MFSD12: variants seen among roughly 807,000 people sequenced by gnomAD.
The protein encoded by MFSD12 is major facilitator superfamily domain-containing protein 12.
MFSD12 carries 67 observed loss-of-function variants against 51.2 expected under a neutral mutation model. The observed-to-expected ratio is 1.31, with a 90% confidence interval of 1.08 to 1.60. The LOEUF (loss-of-function observed/expected upper bound fraction) is 1.60, where lower values mean the gene tolerates loss of function less well. Among genes scored for constraint, MFSD12 ranks in the 40% most tolerant of loss-of-function variants. The probability of loss-of-function intolerance (pLI) is 0.00; values close to 1 mark genes in which losing one functional copy is unlikely to be tolerated. For synonymous variants in MFSD12, 441 were observed against 316.7 expected, an observed-to-expected ratio of 1.39 and a Z score of -4.17; for missense variants, 921 against 673.0, an observed-to-expected ratio of 1.37 and a Z score of -4.08.
At chr19:3,546,956 C>T (rs2031112401) in intron 6 of MFSD12, among the ~76,000 whole-genome samples, 1 of 152,160 alleles carries the variant, frequency 6.6e-6, no homozygotes, top group South Asian at 2.1e-4. Flanking sequence ...GCCTCAGCCT[C>T]CCGAATAGCT....
At chr19:3,542,838 C>T (rs761809570), downstream of MFSD12, 3 of 1,377,268 alleles carry the variant, frequency 2.2e-6, no homozygotes, top group Admixed American at 1.9e-5. Context: ...CAGACCACTT[C>T]TTCCTGGTGC....
intron 2 of MFSD12, among the ~76,000 whole-genome samples, chr19:3,549,841 T>C (rs1005693747): frequency 1.3e-5 from 2 of 149,394 alleles, no homozygotes; most frequent in African/African-American, 5.0e-5. Context: ...CTGGCCAACA[T>C]GGTACATGGT....
At chr19:3,543,802 A>T (rs967842703), downstream of MFSD12, 17 of 1,503,218 alleles carry the variant, frequency 1.1e-5, no homozygotes, top group African/African-American at 1.1e-4. Flanking sequence ...AGGTGGGGGC[A>T]CATGGTGACC....
rs375821237 is a variant in MFSD12 at position 3,546,143 on chromosome 19, G to C, written c.1220C>G (p.Ser407Cys). The C allele has an allele frequency of 2.5e-6, 4 of 1,613,278 alleles. No individual in the cohort carries two copies. The highest frequency in any genetic ancestry group is 1.1e-5 in the South Asian group (1 of 91,086). ...HTNSGAFVYG[S>C]MSFLDKVANG... ...GGCCACCTTATCCAAGAAGCTCATG[G>C]AGCCGTACACGAACGCTCCGCTGTT... is the stretch of plus-strand genomic sequence containing the variant. Residue 407 changes from serine (S) to cysteine (C), a missense_variant, in exon 8 of 10, where the codon TCC (serine) becomes TGC (cysteine). By Grantham distance (112) the Ser-to-Cys change is moderately radical. Coordinates refer to ENST00000355415, the MANE Select transcript of MFSD12 (RefSeq NM_174983.5).
chr19:3,550,548 C>T (rs1050341271), intron 2 of MFSD12, among the ~76,000 whole-genome samples: 29 of 152,004 alleles, frequency 1.9e-4, no homozygotes, highest in East Asian at 5.8e-4. Flanking sequence ...CCCACCACCG[C>T]GCCCGGCTAA....
chr19:3,542,480 CTT>C, downstream of MFSD12: 1 of 984,422 alleles, frequency 1.0e-6, no homozygotes, highest in South Asian at 4.7e-5. Context: ...AGTCTCTTGT[CTT>C]TTTGTTTTTG....
downstream of MFSD12, chr19:3,543,306 C>G (rs1345289011): frequency 1.3e-6 from 2 of 1,549,008 alleles, no homozygotes; most frequent in South Asian, 1.2e-5. Context: ...TGGAAGTACA[C>G]GCCCATGGGA....
rs1004177233 is a variant in MFSD12, at chr19:3,544,227, A to G, written c.*483T>C. 2 of 1,333,580 alleles carry G rather than the reference A, an allele frequency of 1.5e-6. No individual in the cohort carries two copies. Among genetic ancestry groups the G allele is most frequent in the Admixed American group, 3.5e-5 (1 of 28,190 alleles). The allele number at this position is 1,333,580 out of a possible 1,614,324, so 82.6% of individuals were successfully genotyped here. A position where few individuals can be genotyped will look rare whatever the true frequency, so the allele number is the denominator to read the frequency against. ...CGTCATCTCTTTATTTGCTGCCAGC[A>G]GAGTCCACCAAGCCTGCCGGGCAGC... On this transcript the variant is annotated 3_prime_UTR_variant, in exon 10 of 10. Transcript: ENST00000355415.
At chr19:3,545,957 G>A (rs144678335) in intron 8 of MFSD12, 117 bp downstream of exon 8, 3 of 1,013,012 alleles carry the variant, frequency 3.0e-6, no homozygotes, top group East Asian at 4.8e-5. Context: ...TCCCATTGGG[G>A]CAGGTGTCTT....
chr19:3,548,219 C>G lies in MFSD12; in HGVS notation c.558G>C (p.Trp186Cys). Residue 186 changes from tryptophan (W) to cysteine (C), a missense_variant, in exon 3 of 10, where the codon TGG becomes TGC. Physicochemically the swap from Trp to Cys is radical, Grantham distance 215 (BLOSUM62 -2). Transcript: ENST00000355415. Reference protein sequence around the residue: ...VANITVYGAAWLLLHLQGSSR... With the variant: ...VANITVYGAACLLLHLQGSSR... ...ACGAGCCCTGCAGGTGCAGCAGGAG[C>G]CAGGCGGCGCCGTAGACGGTGATGT... The G allele has an allele frequency of 6.4e-7, 1 of 1,556,096 alleles. No individual in the cohort carries two copies. The highest frequency in any genetic ancestry group is 8.7e-7 in the Non-Finnish European group (1 of 1,150,988).
Position 3,546,303 on chromosome 19 carries a change from G to C in MFSD12, c.1146C>G (p.Ile382Met), listed in dbSNP as rs1171576327. 2 of 1,609,958 alleles carry C rather than the reference G, an allele frequency of 1.2e-6. No homozygotes were observed. Among genetic ancestry groups the C allele is most frequent in the Non-Finnish European group, 1.7e-6 (2 of 1,178,992 alleles). ...CCGTCATGGCCAGCGAGGTGACGAG[G>C]ATGGTGGCACAGCCAGCACCCAGCA... ...AVLLGAGCAT[I>M]LVTSLAMTAD... The change falls in exon 7 of 10, where the codon ATC becomes ATG. Residue 382 changes from isoleucine to methionine, a missense_variant. Coordinates refer to ENST00000355415, the MANE Select transcript of MFSD12 (RefSeq NM_174983.5).
At chr19:3,538,439 C>A (rs934809417) in exon 5 of MFSD12, 34 of 319,848 alleles carry the variant, frequency 1.1e-4, no homozygotes, top group African/African-American at 7.4e-4. Flanking sequence ...CACCTAGTCA[C>A]CCCCAGGTCC....
intron 6 of MFSD12, among the ~76,000 whole-genome samples, chr19:3,546,688 C>A (rs983924455): frequency 3.3e-5 from 5 of 152,250 alleles, no homozygotes; most frequent in African/African-American, 1.2e-4. Context: ...AAGCAAACGA[C>A]GGACTCGGCT....
chr19:3,544,092 G>A (rs2030720235), downstream of MFSD12: 1 of 1,443,770 alleles, frequency 6.9e-7, no homozygotes, highest in South Asian at 1.5e-5. Flanking sequence ...CAGAGGCTCG[G>A]GACAGAGGCA....
rs1345514542 is a variant in MFSD12, at chr19:3,548,252, C to T, written c.525G>A (p.Val175=). ...ELTALRYAFT[V]VANITVYGAA... ...CGCCGTAGACGGTGATGTTGGCCACCACGGTGAACGCATACCTGGCGGGCA... is the reference window on the plus strand; with the variant it reads ...CGCCGTAGACGGTGATGTTGGCCACTACGGTGAACGCATACCTGGCGGGCA... The change falls in exon 3 of 10, where the codon GTG becomes GTA. Residue 175 remains valine (V), a synonymous_variant. Coordinates refer to ENST00000355415, the MANE Select transcript of MFSD12 (RefSeq NM_174983.5). 1.3e-6 allele frequency: 2 copies of T among 1,549,850 alleles called. No homozygotes were observed. The highest frequency in any genetic ancestry group is 1.7e-6 in the Non-Finnish European group (2 of 1,147,856).
chr19:3,539,263 GAGCCCCTCCCTACAGGTGAGCCCCTCCC>G (rs1288632813), downstream of MFSD12: 8 of 1,543,670 alleles, frequency 5.2e-6, no homozygotes, highest in East Asian at 4.9e-5. Context: ...CTGTACAGGT[GAGCCCCTCCCTACAGGTGAGCCCCTCCC>G]AGCCCCTCCC....
In MFSD12 at chr19:3,546,125, T is replaced by C; in HGVS notation, c.1238A>G (p.Lys413Arg). 1 of 1,613,364 alleles carries C rather than the reference T, an allele frequency of 6.2e-7. No homozygotes were observed. The highest frequency in any genetic ancestry group is 1.7e-5 in the Admixed American group (1 of 60,030). ...CATGACTGCCAGCCCATTGGCCACC[T>C]TATCCAAGAAGCTCATGGAGCCGTA... Reference protein sequence around the residue: ...FVYGSMSFLDKVANGLAVMAI... With the variant: ...FVYGSMSFLDRVANGLAVMAI... Residue 413 changes from lysine (K) to arginine (R), a missense_variant, in exon 8 of 10, where the codon AAG (lysine) becomes AGG (arginine). Coordinates refer to ENST00000355415, the MANE Select transcript of MFSD12 (RefSeq NM_174983.5).
downstream of MFSD12, chr19:3,542,881 G>A (rs370363375): frequency 7.1e-6 from 10 of 1,399,722 alleles, no homozygotes; most frequent in Non-Finnish European, 6.7e-6. Context: ...CCAGAGGAAG[G>A]GACTTGTGGG....
Position 3,546,437 on chromosome 19 carries a change from G to GC in MFSD12, c.1024-13dup, listed in dbSNP as rs1338990859. 2.5e-6 allele frequency: 4 copies of GC among 1,597,898 alleles called. No individual in the cohort carries two copies. The East Asian group carries it at 6.8e-5, about 27-fold the overall frequency. ...GAGAAGTAGGTCATCTGCAGGGACA[G>GC]CCCCGGGGTCAGGCCCACACCACTG... On this transcript the variant is annotated splice_polypyrimidine_tract_variant and intron_variant, in intron 6 of 9. Transcript: ENST00000355415.
Sources: gnomAD v4.1 joint callset for allele counts (sites outside exome capture counted in the v4.1 genomes callset) on GRCh38, gnomAD v4.1.1 for gene constraint, MANE v1.5 for transcripts, NCBI Gene and HGNC (gene_info 2026-07-23, HGNC 2026-07-21) for gene names.